The following PBRM1 variants were observed in gnomAD, a reference collection of about 807,000 sequenced individuals.
The protein encoded by PBRM1 is protein polybromo-1.
In PBRM1, 27 loss-of-function variants were observed where a neutral mutation model predicts 194.5. That is an observed-to-expected ratio of 0.14 (90% CI 0.10 to 0.19). PBRM1 has a LOEUF of 0.19. PBRM1 is among the 10% of genes least tolerant of loss of function. PBRM1 has a pLI of 1.00. For missense variants in PBRM1, 1,466 were observed against 2,077.2 expected (o/e 0.71, Z 5.72); for synonymous variants, 655 against 693.2 (o/e 0.94, Z 0.87).
intron 22 of PBRM1, among the ~76,000 whole-genome samples, chr3:52,571,385 T>A (rs1158368511): frequency 6.6e-6 from 1 of 151,090 alleles, no homozygotes; most frequent in East Asian, 1.9e-4. Flanking sequence ...CCCAGCACTT[T>A]GGGAGACTGA....
intron 22 of PBRM1, among the ~76,000 whole-genome samples, chr3:52,566,225 C>G (rs1226444258): frequency 6.6e-6 from 1 of 151,610 alleles, no homozygotes. Flanking sequence ...GAAAATGGAA[C>G]CCTTGTATCT....
At chr3:52,646,273 T>C (rs2096286628) in intron 7 of PBRM1, among the ~76,000 whole-genome samples, 1 of 152,202 alleles carries the variant, frequency 6.6e-6, no homozygotes, top group African/African-American at 2.4e-5. Context: ...ATTCAGAAAA[T>C]TTAAATGATT....
intron 12 of PBRM1, among the ~76,000 whole-genome samples, chr3:52,627,773 GA>G (rs1295819687): frequency 2.0e-5 from 3 of 152,148 alleles, no homozygotes; most frequent in African/African-American, 7.2e-5. Flanking sequence ...TGCAAGAAGT[GA>G]AAGATCTACT....
intron 3 of PBRM1, among the ~76,000 whole-genome samples, chr3:52,665,152 T>C (rs1241851494): frequency 6.6e-6 from 1 of 151,852 alleles, no homozygotes; most frequent in African/African-American, 2.4e-5. Flanking sequence ...CACAAATCAA[T>C]ATTATTATTA....
intron 7 of PBRM1, among the ~76,000 whole-genome samples, chr3:52,647,443 AAAAAAAAAAAAAAAATAT>A (rs2096333141): frequency 1.3e-5 from 1 of 78,604 alleles, no homozygotes; most frequent in Non-Finnish European, 2.6e-5. Context: ...AAAAAAAAAA[AAAAAAAAAAAAAAAATAT>A]ATATATATAT....
At chr3:52,602,830 C>T (rs1008728510) in intron 17 of PBRM1, among the ~76,000 whole-genome samples, 2 of 152,082 alleles carry the variant, frequency 1.3e-5, no homozygotes, top group Admixed American at 6.5e-5. Context: ...GGTTTGCCAT[C>T]GCTTATAAGA....
chr3:52,571,383 T>C lies in PBRM1; in HGVS notation c.3691+5158A>G, dbSNP rs372868290. On this transcript the variant is annotated intron_variant, in intron 22 of 29. Transcript: ENST00000296302. ...TGGCTCACGTCTGTAATCCCAGCAC[T>C]TTGGGAGACTGAGGAAGGTGGATCA... is the stretch of plus-strand genomic sequence containing the variant. Among the ~76,000 whole-genome samples the C allele has an allele frequency of 4.0e-5, 6 of 149,250 alleles. No homozygotes were observed. The South Asian group carries it at 1.3e-3, about 32-fold the overall frequency.
intron 21 of PBRM1, among the ~76,000 whole-genome samples, chr3:52,577,400 C>G (rs1465588356): frequency 7.6e-6 from 1 of 131,052 alleles, no homozygotes; most frequent in African/African-American, 2.9e-5. Context: ...CACTGCATTC[C>G]AGCCTAGGTG....
chr3:52,587,387 T>G, exon 19 of PBRM1: 1 of 1,610,900 alleles, frequency 6.2e-7, no homozygotes, highest in Non-Finnish European at 8.5e-7. Flanking sequence ...GCCTAGAATT[T>G]TACTAACTGG....
rs1173147954 is a variant in PBRM1 at position 52,609,477 on chromosome 3, G to A, written c.2403C>T (p.Ser801=). The change falls in exon 16 of 30, where the codon AGC becomes AGT. Residue 801 remains serine (S), a synonymous_variant. Coordinates refer to ENST00000296302, the Ensembl canonical transcript of PBRM1. This position sits in a 1 kb window ranked among gnomAD's most constrained non-coding sequence, Gnocchi z 4.1. ...CAGCAGGAATTTCTGCTAAAGAATC[G>A]CTGTAGCATCTTCCCTCATCATCCT... 12 of 1,613,710 alleles carry A rather than the reference G, an allele frequency of 7.4e-6. No homozygotes were observed. The highest frequency in any genetic ancestry group is 2.7e-5 in the African/African-American group (2 of 75,024).
chr3:52,643,144 A>C (rs2096169923), intron 9 of PBRM1, 104 bp downstream of exon 10: 1 of 850,536 alleles, frequency 1.2e-6, no homozygotes, highest in Admixed American at 1.8e-5. Flanking sequence ...TAACAACCAA[A>C]CTATACCCAA....
At chr3:52,625,887 A>C (rs895044155) in intron 13 of PBRM1, among the ~76,000 whole-genome samples, 10 of 152,062 alleles carry the variant, frequency 6.6e-5, no homozygotes, top group African/African-American at 1.7e-4. Flanking sequence ...CAAAAACTTT[A>C]GCTTATTTGA....
At chr3:52,561,614 C>T (rs2083555612) in intron 25 of PBRM1, among the ~76,000 whole-genome samples, 153 bp downstream of exon 27, 1 of 152,178 alleles carries the variant, frequency 6.6e-6, no homozygotes, top group South Asian at 2.1e-4. Context: ...ACAAGGCTAG[C>T]ATCTAAAATA....
Position 52,595,328 on chromosome 3 carries a change from T to C in PBRM1, c.2780-6073A>G, listed in dbSNP as rs1046296767. 3.3e-5 allele frequency among the ~76,000 whole-genome samples: 5 copies of C among 152,328 alleles called. No individual in the cohort carries two copies. The South Asian group carries it at 1.0e-3, about 32-fold the overall frequency. The stretch of plus-strand genomic sequence containing the variant: ...AAGGCTCAGCTCAGGACTCCTGGAC[T>C]GTGTGCCCCAACTCTGGGGTACTAG... On this transcript the variant is annotated intron_variant, in intron 17 of 29. Coordinates refer to ENST00000296302, the Ensembl canonical transcript of PBRM1.
intron 20 of PBRM1, among the ~76,000 whole-genome samples, chr3:52,583,281 A>G (rs2091744124): frequency 6.6e-6 from 1 of 151,408 alleles, no homozygotes; most frequent in East Asian, 1.9e-4. Context: ...GCGGTGGTGC[A>G]CACCTGCAAT....
At chr3:52,620,535 CA>C (rs1294758155) in intron 13 of PBRM1, among the ~76,000 whole-genome samples, 1 of 152,156 alleles carries the variant, frequency 6.6e-6, no homozygotes, top group Non-Finnish European at 1.5e-5. Context: ...TATGAAGCTG[CA>C]AATACTCTCA....
At chr3:52,604,710 C>A (rs1443780576) in intron 16 of PBRM1, among the ~76,000 whole-genome samples, 1 of 151,164 alleles carries the variant, frequency 6.6e-6, no homozygotes, top group Non-Finnish European at 1.5e-5. Flanking sequence ...AAAAAAAAAT[C>A]AATAAACAGG....
intron 26 of PBRM1, among the ~76,000 whole-genome samples, chr3:52,556,116 T>C (rs1195436303): frequency 6.6e-6 from 1 of 152,188 alleles, no homozygotes; most frequent in Non-Finnish European, 1.5e-5. Context: ...CTTCAGATTC[T>C]GAGAATTTTA....
Position 52,558,433 on chromosome 3 carries a change from T to A in PBRM1, c.4289-20A>T. On this transcript the variant is annotated intron_variant, in intron 25 of 29. Transcript: ENST00000296302. Reference sequence around the variant, plus strand: ...CCCGCTCTGTAAAGGCATTTCAGATTTTCAATTCTGTTTTTAACCCAGGAA... The same window carrying A: ...CCCGCTCTGTAAAGGCATTTCAGATATTCAATTCTGTTTTTAACCCAGGAA... The A allele has an allele frequency of 6.6e-7, 1 of 1,506,702 alleles. No homozygotes were observed. The highest frequency in any genetic ancestry group is 1.9e-4 in the Middle Eastern group (1 of 5,390). The allele number at this position is 1,506,702 out of a possible 1,614,324, so 93.3% of individuals were successfully genotyped here.
Sources: gnomAD v4.1 joint callset for allele counts (sites outside exome capture counted in the v4.1 genomes callset) on GRCh38, gnomAD v4.1.1 for gene constraint, Gnocchi (gnomAD v3.1) non-coding constraint, MANE v1.5 for transcripts, NCBI Gene and HGNC (gene_info 2026-07-23, HGNC 2026-07-21) for gene names.